Variants in OR56A3 observed in about 807,000 individuals in gnomAD.
OR56A3 encodes olfactory receptor family 56 subfamily A member 3, also known as olfactory receptor 56A3.
OR56A3 carries 23 observed loss-of-function variants against 17.5 expected under a neutral mutation model. The ratio of observed to expected loss-of-function variants is 1.32; its 90% CI spans 0.95 to 1.87. The LOEUF (loss-of-function observed/expected upper bound fraction) is 1.87, where lower values mean the gene tolerates loss of function less well. OR56A3 is among the 40% of genes most tolerant of loss of function. The probability of loss-of-function intolerance (pLI) is 0.00; values close to 1 mark genes in which losing one functional copy is unlikely to be tolerated. For synonymous variants in OR56A3, 175 were observed against 150.6 expected, an observed-to-expected ratio of 1.16 and a Z score of -1.19; for missense variants, 366 against 380.1, an observed-to-expected ratio of 0.96 and a Z score of 0.31.
At chr11:6,007,661 A>G in the OR56A3 span, among the ~76,000 whole-genome samples, 17 of 152,196 alleles carry the variant, frequency 1.1e-4, no homozygotes, top group Non-Finnish European at 2.5e-4. Flanking sequence ...AAAAAAGTGT[A>G]AGGAAACTGA....
At chr11:5,978,370 G>T in the OR56A3 span, among the ~76,000 whole-genome samples, 211 of 152,128 alleles carry the variant, frequency 1.4e-3, no homozygotes, top group African/African-American at 4.6e-3. Context: ...TGTTTATGTT[G>T]TCTCTAATTT....
chr11:5,952,579 TG>T (rs796556823), downstream of OR56A3, among the ~76,000 whole-genome samples: 2 of 151,042 alleles, frequency 1.3e-5, no homozygotes, highest in African/African-American at 2.4e-5. Context: ...ATTATTATGG[TG>T]GGGGGGTTGT....
the OR56A3 span, chr11:5,986,959 A>G: frequency 1.2e-6 from 2 of 1,601,082 alleles, no homozygotes; most frequent in Non-Finnish European, 1.7e-6. Context: ...ACATTATCAC[A>G]TTGTCCAAAT....
At chr11:5,958,506 A>T in the OR56A3 span, among the ~76,000 whole-genome samples, 2 of 152,158 alleles carry the variant, frequency 1.3e-5, no homozygotes, top group Non-Finnish European at 2.9e-5. Context: ...CAGTCTTTCT[A>T]AAATGGACAG....
chr11:6,008,617 A>G, the OR56A3 span, among the ~76,000 whole-genome samples: 1 of 151,906 alleles, frequency 6.6e-6, no homozygotes, highest in South Asian at 2.1e-4. Flanking sequence ...CAGAACCACA[A>G]TTTCCTCATC....
the OR56A3 span, among the ~76,000 whole-genome samples, chr11:5,971,135 C>T: frequency 6.6e-6 from 1 of 152,098 alleles, no homozygotes; most frequent in South Asian, 2.1e-4. Flanking sequence ...CTTTTAGTGC[C>T]CTCTGGCCCC....
chr11:5,993,439 A>C, the OR56A3 span, among the ~76,000 whole-genome samples: 6 of 152,136 alleles, frequency 3.9e-5, no homozygotes, highest in African/African-American at 1.4e-4. Context: ...GTCCACCCTC[A>C]CCCATTTTTT....
At chr11:5,953,317 G>GT (rs999413422), downstream of OR56A3, among the ~76,000 whole-genome samples, 19 of 152,090 alleles carry the variant, frequency 1.2e-4, 1 homozygote, top group Admixed American at 1.1e-3. Context: ...AATACCTGTT[G>GT]TTTTTTTGAC....
At chr11:5,975,340 A>C in the OR56A3 span, among the ~76,000 whole-genome samples, 1 of 147,052 alleles carries the variant, frequency 6.8e-6, no homozygotes, top group African/African-American at 2.5e-5. Context: ...TATATCTCCT[A>C]ATGCTATCCC....
chr11:5,976,385 T>C, the OR56A3 span, among the ~76,000 whole-genome samples: 1 of 152,230 alleles, frequency 6.6e-6, no homozygotes, highest in Non-Finnish European at 1.5e-5. Context: ...AGCTATCTTT[T>C]GAGAATTTCC....
intron 2 of OR56A3, among the ~76,000 whole-genome samples, chr11:5,945,988 C>G (rs766263954): frequency 3.3e-5 from 5 of 152,202 alleles, no homozygotes; most frequent in African/African-American, 1.2e-4. Context: ...AAAATAACAT[C>G]TGAACAGAAA....
the OR56A3 span, chr11:6,002,462 G>C: frequency 1.2e-6 from 2 of 1,614,228 alleles, no homozygotes; most frequent in Non-Finnish European, 1.7e-6. Flanking sequence ...TGCAGTTCTT[G>C]ATTATGTTTC....
the OR56A3 span, among the ~76,000 whole-genome samples, chr11:5,957,193 C>T: frequency 1.3e-5 from 2 of 152,058 alleles, no homozygotes; most frequent in African/African-American, 4.8e-5. Context: ...AAATTAGTGG[C>T]TTATAGCACT....
At chr11:6,010,741 C>G in the OR56A3 span, among the ~76,000 whole-genome samples, 1 of 152,082 alleles carries the variant, frequency 6.6e-6, no homozygotes, top group African/African-American at 2.4e-5. Flanking sequence ...ATTCCCCAGA[C>G]CATATATTAT....
At chr11:6,019,934 T>G in the OR56A3 span, 1 of 152,144 alleles carries the variant, frequency 6.6e-6, no homozygotes, top group South Asian at 2.1e-4. Context: ...TTTCCAGGGA[T>G]AAGCATAGGT....
Position 5,947,817 on chromosome 11 carries a change from G to A in OR56A3, c.471G>A (p.Val157=), listed in dbSNP as rs1459734798. The A allele has an allele frequency of 1.9e-6, 3 of 1,614,042 alleles. No individual in the cohort carries two copies. Among genetic ancestry groups the A allele is most frequent in the Non-Finnish European group, 2.5e-6 (3 of 1,180,022 alleles). The change falls in exon 3 of 3, where the codon GTG becomes GTA. Residue 157 remains valine, a synonymous_variant. Transcript: ENST00000641160. ...CCATGTTTATTTTGACCAGAAATGT[G>A]CTTATGACTCTGCCCATCCCCATCC... The part of the protein sequence containing the change: ...KAAMFILTRN[V]LMTLPIPILS...
the OR56A3 span, among the ~76,000 whole-genome samples, chr11:5,978,491 A>C: frequency 6.6e-6 from 1 of 151,732 alleles, no homozygotes. Flanking sequence ...ATGGGATTGC[A>C]TTCTTGACTT....
the OR56A3 span, among the ~76,000 whole-genome samples, chr11:6,017,902 C>T: frequency 4.6e-5 from 7 of 151,966 alleles, no homozygotes; most frequent in East Asian, 1.9e-4. Context: ...CAAAGGTGGA[C>T]GGGAGTAACT....
At chr11:5,995,309 C>T in the OR56A3 span, among the ~76,000 whole-genome samples, 1 of 152,210 alleles carries the variant, frequency 6.6e-6, no homozygotes, top group Non-Finnish European at 1.5e-5. Flanking sequence ...GCACTTTACA[C>T]TTATAGCGTG....
Sources: gnomAD v4.1 joint callset for allele counts (sites outside exome capture counted in the v4.1 genomes callset) on GRCh38, gnomAD v4.1.1 for gene constraint, MANE v1.5 for transcripts, NCBI Gene and HGNC (gene_info 2026-07-23, HGNC 2026-07-21) for gene names.